FXN: variants seen among roughly 807,000 people sequenced by gnomAD.
FXN encodes the protein frataxin, mitochondrial.
Under a neutral mutation model 22.4 loss-of-function variants are expected in FXN, and 14 were observed. The ratio of observed to expected loss-of-function variants is 0.62; its 90% confidence interval spans 0.41 to 0.98. The LOEUF is 0.98. Ranked by LOEUF, FXN falls within the 50% of genes least tolerant of loss-of-function variation. FXN has a pLI of 0.00. For synonymous variants in FXN, 120 were observed against 114.1 expected, an observed-to-expected ratio of 1.05 and a Z score of -0.33; for missense variants, 267 against 268.4, an observed-to-expected ratio of 0.99 and a Z score of 0.04.
In FXN at chr9:69,038,563, C is replaced by T. The variant is rs926957141; in HGVS notation, c.165+2616C>T. ...TAATGAGACCAGGCACGGTGGCTCA[C>T]GACTGTAATCCCAGGACTTTGGGAG... is the stretch of plus-strand genomic sequence containing the variant. On this transcript the variant is annotated intron_variant, in intron 1 of 4. Transcript: ENST00000484259. Among the ~76,000 whole-genome samples the T allele has an allele frequency of 9.8e-5, 15 of 152,302 alleles. 1 individual carries two copies. The highest frequency in any genetic ancestry group is 4.1e-4 in the South Asian group (2 of 4,824).
At position 69,076,182 on chromosome 9, in the gene FXN, T is replaced by G; in HGVS notation, c.*3420T>G. 1.0e-6 allele frequency: 1 copy of G among 984,440 alleles called. No individual in the cohort carries two copies. The highest frequency in any genetic ancestry group is 1.2e-6 in the Non-Finnish European group (1 of 829,500). The allele number at this position is 984,440 out of a possible 1,614,324, so 61.0% of individuals were successfully genotyped here. Reference sequence around the variant, plus strand: ...TTTAGAATTTAATCGAAACTCTGCCTCTTACTTGTTTGTAGACACTGACAG... The same window carrying G: ...TTTAGAATTTAATCGAAACTCTGCCGCTTACTTGTTTGTAGACACTGACAG... On this transcript the variant is annotated 3_prime_UTR_variant, in exon 5 of 5. Transcript: ENST00000484259.
In FXN at chr9:69,078,720, T is replaced by G; in HGVS notation, c.*5958T>G. 4.1e-6 allele frequency: 4 copies of G among 985,670 alleles called. No individual in the cohort carries two copies. Among genetic ancestry groups the G allele is most frequent in the Non-Finnish European group, 4.8e-6 (4 of 829,992 alleles). 61.1% of individuals were successfully genotyped at this position (985,670 alleles called of 1,614,324 possible). A position where few individuals can be genotyped will look rare whatever the true frequency, so the allele number is the denominator to read the frequency against. On this transcript the variant is annotated 3_prime_UTR_variant, in exon 5 of 5. Coordinates refer to ENST00000484259, the MANE Select transcript of FXN (RefSeq NM_000144.5). ...GGCTCTCAGACTTGGCCAGTGCTGT[T>G]TCCATTTTGGTCTTTATTCCCCACA... is the stretch of plus-strand genomic sequence containing the variant.
At chr9:69,054,761 C>G (rs1831924385) in intron 3 of FXN, among the ~76,000 whole-genome samples, 1 of 152,212 alleles carries the variant, frequency 6.6e-6, no homozygotes, top group South Asian at 2.1e-4. Context: ...CCCACCTCAG[C>G]CTCCCAAAGT....
At chr9:69,041,046 T>G (rs1000216546) in intron 1 of FXN, among the ~76,000 whole-genome samples, 1 of 152,208 alleles carries the variant, frequency 6.6e-6, no homozygotes, top group Non-Finnish European at 1.5e-5. Context: ...CATCCCAGAC[T>G]AAGACAAATA....
In FXN at chr9:69,074,623, G is replaced by A; in HGVS notation, c.*1861G>A. The A allele has an allele frequency of 1.0e-6, 1 of 985,234 alleles. No individual in the cohort carries two copies. Among genetic ancestry groups the A allele is most frequent in the Non-Finnish European group, 1.2e-6 (1 of 829,852 alleles). 61.0% of individuals were successfully genotyped at this position (985,234 alleles called of 1,614,324 possible). On this transcript the variant is annotated 3_prime_UTR_variant, in exon 5 of 5. Coordinates refer to ENST00000484259, the MANE Select transcript of FXN (RefSeq NM_000144.5). ...AAACACATTCCATTAAGTCAAGCTG[G>A]GAGCAGTGGCATATACCTATAGTCC...
chr9:69,049,004 C>A (rs977098956), intron 2 of FXN, among the ~76,000 whole-genome samples: 1 of 152,220 alleles, frequency 6.6e-6, no homozygotes, highest in Non-Finnish European at 1.5e-5. Context: ...ATTCCTCCCC[C>A]AGCAGACTCT....
intron 2 of FXN, among the ~76,000 whole-genome samples, chr9:69,048,108 T>C (rs900676320): frequency 6.6e-6 from 1 of 152,158 alleles, no homozygotes; most frequent in African/African-American, 2.4e-5. Context: ...AGGAACCACA[T>C]CCAAATTTCC....
chr9:69,053,297 T>G lies in FXN; in HGVS notation c.384+37T>G, dbSNP rs767444075. On this transcript the variant is annotated intron_variant, in intron 3 of 4. Transcript: ENST00000484259. The stretch of plus-strand genomic sequence containing the variant: ...CTTCTTTTATTTTTCTGTTTCCCCC[T>G]CTAAGAATTTTAGTTCACTAAAATG... The G allele has an allele frequency of 5.6e-6, 9 of 1,607,986 alleles. No homozygotes were observed. The South Asian group carries it at 9.9e-5, about 18-fold the overall frequency.
chr9:69,077,663 C>T lies in FXN; in HGVS notation c.*4901C>T. On this transcript the variant is annotated 3_prime_UTR_variant, in exon 5 of 5. Coordinates refer to ENST00000484259, the MANE Select transcript of FXN (RefSeq NM_000144.5). ...TTTAGCTCCTGGCCAGACACGGTGG[C>T]TCACACCTGTAATCCCAGCACTTTG... 2 of 984,862 alleles carry T rather than the reference C, an allele frequency of 2.0e-6. No homozygotes were observed. Among genetic ancestry groups the T allele is most frequent in the Non-Finnish European group, 2.4e-6 (2 of 829,382 alleles). The allele number at this position is 984,862 out of a possible 1,614,324, so 61.0% of individuals were successfully genotyped here. A position where few individuals can be genotyped will look rare whatever the true frequency, so the allele number is the denominator to read the frequency against.
At chr9:69,071,150 G>A in intron 4 of FXN, 1 of 518,748 alleles carries the variant, frequency 1.9e-6, no homozygotes, top group Admixed American at 1.9e-5. Context: ...GGGTCTAGAG[G>A]TTACTCAGGC....
intron 4 of FXN, among the ~76,000 whole-genome samples, chr9:69,065,450 G>A (rs1456679191): frequency 6.6e-6 from 1 of 151,036 alleles, no homozygotes; most frequent in Non-Finnish European, 1.5e-5. Context: ...CTGAGGTTGA[G>A]CCTCAGCCTG....
chr9:69,071,050 C>T (rs1318115919), intron 4 of FXN, among the ~76,000 whole-genome samples: 3 of 152,026 alleles, frequency 2.0e-5, no homozygotes, highest in East Asian at 3.9e-4. Context: ...TCCCACCTTG[C>T]GCACCCTGAG....
chr9:69,046,306 G>A, intron 1 of FXN, 79 bp from the exon 2 acceptor site: 2 of 1,001,250 alleles, frequency 2.0e-6, no homozygotes, highest in South Asian at 2.7e-5. Context: ...GAATGTAGAA[G>A]TAGCAATATA....
intron 3 of FXN, among the ~76,000 whole-genome samples, chr9:69,061,194 A>G (rs1421493439): frequency 6.6e-6 from 1 of 152,230 alleles, no homozygotes; most frequent in Non-Finnish European, 1.5e-5. Flanking sequence ...GAAAAAGTCA[A>G]TTTTGGCTTC....
intron 3 of FXN, 58 bp from the exon 4 acceptor site, chr9:69,064,880 A>C: frequency 9.9e-7 from 1 of 1,008,774 alleles, no homozygotes; most frequent in Non-Finnish European, 1.6e-6. Flanking sequence ...ATGATGACAA[A>C]GTGCTAACTT....
At position 69,042,836 on chromosome 9, in the gene FXN, G is replaced by C. The variant is rs187068895; in HGVS notation, c.166-3549G>C. Reference sequence around the variant, plus strand: ...TCAGACACTTTTCCTTGGATGTTTTGAGCACTGCTTTAATTCCTGGGAAAA... The same window carrying C: ...TCAGACACTTTTCCTTGGATGTTTTCAGCACTGCTTTAATTCCTGGGAAAA... On this transcript the variant is annotated intron_variant, in intron 1 of 4. Transcript: ENST00000484259. Among the ~76,000 whole-genome samples the C allele has an allele frequency of 2.0e-5, 3 of 152,276 alleles. No homozygotes were observed. The East Asian group carries it at 5.8e-4, about 29-fold the overall frequency.
At chr9:69,038,031 A>G (rs1471579017) in intron 1 of FXN, among the ~76,000 whole-genome samples, 1 of 152,228 alleles carries the variant, frequency 6.6e-6, no homozygotes, top group Non-Finnish European at 1.5e-5. Context: ...GTTAAGGGCT[A>G]TTGACTGACA....
chr9:69,062,098 T>C (rs897520773), intron 3 of FXN, among the ~76,000 whole-genome samples: 3 of 152,220 alleles, frequency 2.0e-5, no homozygotes, highest in African/African-American at 7.2e-5. Context: ...TCCTGAATTA[T>C]ACAGTTTTAA....
At chr9:69,062,583 A>G (rs1020710376) in intron 3 of FXN, among the ~76,000 whole-genome samples, 1 of 152,218 alleles carries the variant, frequency 6.6e-6, no homozygotes, top group Non-Finnish European at 1.5e-5. Context: ...AATACTTATG[A>G]TTCCACTGAT....
Sources: gnomAD v4.1 joint callset for allele counts (sites outside exome capture counted in the v4.1 genomes callset) on GRCh38, gnomAD v4.1.1 for gene constraint, MANE v1.5 for transcripts, NCBI Gene and HGNC (gene_info 2026-07-23, HGNC 2026-07-21) for gene names.